The following GMDS variants were observed in gnomAD, a reference collection of about 807,000 sequenced individuals.
GMDS encodes the protein GDP-mannose 4,6-dehydratase, also known as GDP-mannose 4,6 dehydratase.
In GMDS, 20 loss-of-function variants were observed where a neutral mutation model predicts 49.9. The observed-to-expected ratio is 0.40, with a 90% CI of 0.28 to 0.58. The LOEUF is 0.58. Among genes scored for constraint, GMDS ranks in the 20% least tolerant of loss-of-function variants. GMDS has a pLI of 0.42. For synonymous variants in GMDS, 177 were observed against 178.6 expected (o/e 0.99, Z 0.07); for missense variants, 362 against 481.4 (o/e 0.75, Z 2.32).
chr6:1,751,327 G>T (rs1020668052), intron 7 of GMDS, among the ~76,000 whole-genome samples: 1 of 152,158 alleles, frequency 6.6e-6, no homozygotes, highest in African/African-American at 2.4e-5. Flanking sequence ...GGAGAGCTCC[G>T]GCTAGCATCT....
intron 7 of GMDS, among the ~76,000 whole-genome samples, chr6:1,913,411 A>G (rs1171221109): frequency 6.9e-6 from 1 of 145,344 alleles, no homozygotes; most frequent in East Asian, 2.0e-4. Flanking sequence ...AAAAAAAAAG[A>G]AAGTTTGCAT....
intron 1 of GMDS, among the ~76,000 whole-genome samples, chr6:2,238,363 G>T (rs1194005744): frequency 6.6e-6 from 1 of 152,132 alleles, no homozygotes; most frequent in Non-Finnish European, 1.5e-5. Context: ...AAACTCCAGA[G>T]GAACAAAATA....
intron 4 of GMDS, among the ~76,000 whole-genome samples, chr6:2,001,058 A>G (rs1257846667): frequency 1.3e-5 from 2 of 152,188 alleles, no homozygotes; most frequent in Non-Finnish European, 2.9e-5. Context: ...AACAATGTGA[A>G]GAACTACAGA....
At chr6:2,095,019 G>C (rs1773513621) in intron 4 of GMDS, among the ~76,000 whole-genome samples, 1 of 152,158 alleles carries the variant, frequency 6.6e-6, no homozygotes, top group African/African-American at 2.4e-5. Context: ...ATTTTCTCTA[G>C]AAACTGTGGA....
intron 1 of GMDS, among the ~76,000 whole-genome samples, chr6:2,181,624 T>A (rs1778535122): frequency 6.6e-6 from 1 of 152,190 alleles, no homozygotes; most frequent in South Asian, 2.1e-4. Context: ...ATTATTATTA[T>A]GTCAGTTGTG....
At chr6:2,187,546 C>G (rs1778831857) in intron 1 of GMDS, among the ~76,000 whole-genome samples, 1 of 152,158 alleles carries the variant, frequency 6.6e-6, no homozygotes, top group East Asian at 1.9e-4. Context: ...GCTTGCTATG[C>G]CTCATTTCAC....
At chr6:1,698,398 C>T (rs1051698249) in intron 9 of GMDS, among the ~76,000 whole-genome samples, 8 of 152,228 alleles carry the variant, frequency 5.3e-5, no homozygotes, top group African/African-American at 1.7e-4. Flanking sequence ...GTGGTCCAAA[C>T]ACACACTCAG....
intron 9 of GMDS, among the ~76,000 whole-genome samples, chr6:1,660,801 G>A (rs774111471): frequency 2.0e-5 from 3 of 146,968 alleles, no homozygotes; most frequent in Non-Finnish European, 3.0e-5. Flanking sequence ...AGATGTTGGC[G>A]GCAAAGAATA....
chr6:2,187,629 T>C lies in GMDS; in HGVS notation c.102+57692A>G, dbSNP rs1223034495. ...TCTGCCTACTTTCCAGAAAAGAACATTAAGGTTTAAATTTGAGAAAGCTTT... is the reference window on the plus strand; with the variant it reads ...TCTGCCTACTTTCCAGAAAAGAACACTAAGGTTTAAATTTGAGAAAGCTTT... On this transcript the variant is annotated intron_variant, in intron 1 of 10. Coordinates refer to ENST00000380815, the MANE Select transcript of GMDS (RefSeq NM_001500.4). 5.3e-5 allele frequency among the ~76,000 whole-genome samples: 8 copies of C among 152,166 alleles called. No homozygotes were observed. The East Asian group carries it at 1.2e-3, about 22-fold the overall frequency.
chr6:1,713,475 C>T (rs1486487110), intron 9 of GMDS, among the ~76,000 whole-genome samples: 3 of 152,242 alleles, frequency 2.0e-5, no homozygotes, highest in African/African-American at 2.4e-5. Context: ...TGCCCACCCC[C>T]GCCAGCTGAA....
chr6:1,841,052 T>A (rs1757133238), intron 7 of GMDS, among the ~76,000 whole-genome samples: 1 of 152,202 alleles, frequency 6.6e-6, no homozygotes, highest in Non-Finnish European at 1.5e-5. Context: ...AATGTAGGTA[T>A]CAGAGACTGA....
At chr6:2,212,563 C>T (rs1780112649) in intron 1 of GMDS, among the ~76,000 whole-genome samples, 1 of 152,050 alleles carries the variant, frequency 6.6e-6, no homozygotes, top group Non-Finnish European at 1.5e-5. Flanking sequence ...TGCACAGCCC[C>T]AAACCCATGT....
intron 1 of GMDS, among the ~76,000 whole-genome samples, chr6:2,242,577 G>A (rs1005282401): frequency 1.3e-5 from 2 of 152,202 alleles, no homozygotes; most frequent in African/African-American, 4.8e-5. Flanking sequence ...AGCCCCAAGT[G>A]CCAGAGCAGT....
intron 9 of GMDS, among the ~76,000 whole-genome samples, chr6:1,629,452 C>T (rs375576744): frequency 6.6e-6 from 1 of 152,046 alleles, no homozygotes. Context: ...TGTCCGTAGG[C>T]AGAGCTCAAA....
intron 6 of GMDS, among the ~76,000 whole-genome samples, chr6:1,942,304 T>G (rs3800143): frequency 6.6e-6 from 1 of 151,942 alleles, no homozygotes; most frequent in Non-Finnish European, 1.5e-5. Flanking sequence ...TCCTAAATAA[T>G]TCCCCATCCC....
intron 6 of GMDS, among the ~76,000 whole-genome samples, chr6:1,939,009 T>C (rs187316607): frequency 0.027 from 3,394 of 126,998 alleles, 140 homozygotes; most frequent in African/African-American, 0.11. Context: ...CCTCTTCTCT[T>C]CTCTCTCTCT....
chr6:2,230,016 C>T (rs926635171), intron 1 of GMDS, among the ~76,000 whole-genome samples: 1 of 146,668 alleles, frequency 6.8e-6, no homozygotes, highest in Non-Finnish European at 1.5e-5. Flanking sequence ...CCTCTGAAGA[C>T]CTCCCTCCAG....
chr6:2,243,667 C>T (rs1781716698), intron 1 of GMDS, among the ~76,000 whole-genome samples: 1 of 151,950 alleles, frequency 6.6e-6, no homozygotes, highest in African/African-American at 2.4e-5. Context: ...AGATCCTTGC[C>T]CTCTTACTAG....
intron 9 of GMDS, among the ~76,000 whole-genome samples, chr6:1,722,062 C>CTTTTTTTT (rs11356149): frequency 1.2e-5 from 1 of 80,232 alleles, no homozygotes. Flanking sequence ...GCTATCACGT[C>CTTTTTTTT]TTTTTTTTTT....
Sources: allele counts gnomAD v4.1 joint callset (sites outside exome capture counted in the v4.1 genomes callset), GRCh38; gene constraint gnomAD v4.1.1; transcripts MANE v1.5; gene names NCBI Gene and HGNC (gene_info 2026-07-23, HGNC 2026-07-21).